The following SUGCT variants were observed in gnomAD, a reference collection of about 807,000 sequenced individuals.
SUGCT encodes succinyl-CoA:glutarate CoA-transferase.
In SUGCT, 41 loss-of-function variants were observed where a neutral mutation model predicts 55.0. That is an observed-to-expected ratio of 0.74 (90% CI 0.58 to 0.97). SUGCT has a LOEUF of 0.97. SUGCT is among the 50% of genes least tolerant of loss of function. The pLI is 0.00. For missense variants in SUGCT, 568 were observed against 547.8 expected (o/e 1.04, Z -0.37); for synonymous variants, 187 against 200.4 (o/e 0.93, Z 0.56).
intron 9 of SUGCT, among the ~76,000 whole-genome samples, chr7:40,438,806 C>T (rs1788312431): frequency 6.6e-6 from 1 of 151,494 alleles, no homozygotes; most frequent in South Asian, 2.1e-4. Flanking sequence ...GGTTTGCTTT[C>T]TGTTAGAGTG....
chr7:40,503,281 G>A (rs1792394533), intron 12 of SUGCT, among the ~76,000 whole-genome samples: 3 of 152,006 alleles, frequency 2.0e-5, no homozygotes, highest in South Asian at 4.2e-4. Context: ...ATTACTTATC[G>A]CTTTAATATA....
intron 12 of SUGCT, among the ~76,000 whole-genome samples, chr7:40,529,163 C>T (rs139981620): frequency 1.3e-3 from 204 of 152,296 alleles, no homozygotes; most frequent in African/African-American, 4.7e-3. Context: ...TCCTGTCACC[C>T]TTAGGTGAGA....
intron 13 of SUGCT, among the ~76,000 whole-genome samples, chr7:40,844,088 T>C (rs931269275): frequency 6.6e-6 from 1 of 152,114 alleles, no homozygotes; most frequent in Non-Finnish European, 1.5e-5. Flanking sequence ...GCAGGCTTTG[T>C]ACAGGAACCA....
chr7:40,717,618 C>T (rs1786091310), intron 12 of SUGCT, among the ~76,000 whole-genome samples: 1 of 152,148 alleles, frequency 6.6e-6, no homozygotes, highest in Non-Finnish European at 1.5e-5. Flanking sequence ...TTGGCTGTCT[C>T]AATATTTATA....
the SUGCT span, among the ~76,000 whole-genome samples, chr7:40,922,009 A>C: frequency 6.6e-6 from 1 of 152,194 alleles, no homozygotes; most frequent in South Asian, 2.1e-4. Context: ...TTCAAAAGAG[A>C]CACCAGTGTT....
At chr7:40,272,111 ATG>A (rs59953340) in intron 7 of SUGCT, among the ~76,000 whole-genome samples, 9,509 of 109,384 alleles carry the variant, frequency 0.087, 860 homozygotes, top group African/African-American at 0.12. Flanking sequence ...ATATATATAT[ATG>A]GATGTTTCAA....
At chr7:40,553,516 G>C (rs1795409764) in intron 12 of SUGCT, among the ~76,000 whole-genome samples, 1 of 152,042 alleles carries the variant, frequency 6.6e-6, no homozygotes, top group Non-Finnish European at 1.5e-5. Context: ...TTTCTCCATG[G>C]ATTTACAGAA....
intron 12 of SUGCT, among the ~76,000 whole-genome samples, chr7:40,543,186 A>G (rs1445996684): frequency 2.0e-5 from 3 of 152,188 alleles, no homozygotes; most frequent in African/African-American, 4.8e-5. Flanking sequence ...TTACACTTCA[A>G]AACATCTGGG....
At chr7:40,529,193 C>G (rs575619111) in intron 12 of SUGCT, among the ~76,000 whole-genome samples, 1 of 152,276 alleles carries the variant, frequency 6.6e-6, no homozygotes, top group South Asian at 2.1e-4. Flanking sequence ...TGGGAGTGGA[C>G]AAGTAAAAGT....
At chr7:40,584,141 G>A (rs991034041) in intron 12 of SUGCT, among the ~76,000 whole-genome samples, 1 of 152,158 alleles carries the variant, frequency 6.6e-6, no homozygotes, top group Non-Finnish European at 1.5e-5. Flanking sequence ...ACAAAAGTCT[G>A]TATTATGTTT....
At chr7:40,456,613 G>A (rs146346494) in intron 10 of SUGCT, among the ~76,000 whole-genome samples, 89 of 152,216 alleles carry the variant, frequency 5.8e-4, no homozygotes, top group Middle Eastern at 3.4e-3. Context: ...GGAATCAGGG[G>A]AGTCAGTGTT....
At chr7:40,185,225 A>G (rs1189498601) in intron 3 of SUGCT, among the ~76,000 whole-genome samples, 1 of 152,132 alleles carries the variant, frequency 6.6e-6, no homozygotes, top group Non-Finnish European at 1.5e-5. Flanking sequence ...CCATATTGCT[A>G]TCTGATTTCA....
intron 12 of SUGCT, among the ~76,000 whole-genome samples, chr7:40,541,077 A>C (rs773719583): frequency 2.0e-5 from 3 of 152,214 alleles, no homozygotes; most frequent in Non-Finnish European, 4.4e-5. Flanking sequence ...ATAATTTGGC[A>C]GTGGGTGAAG....
chr7:41,011,159 G>A, the SUGCT span, among the ~76,000 whole-genome samples: 2 of 152,264 alleles, frequency 1.3e-5, no homozygotes, highest in African/African-American at 4.8e-5. Flanking sequence ...TGAGGAGGAA[G>A]CAGCTGTTTC....
At chr7:40,930,940 C>T in the SUGCT span, among the ~76,000 whole-genome samples, 6 of 152,302 alleles carry the variant, frequency 3.9e-5, no homozygotes, top group African/African-American at 1.2e-4. Context: ...TTACCCAGGC[C>T]AGAACTTCCA....
intron 12 of SUGCT, among the ~76,000 whole-genome samples, chr7:40,565,877 T>C (rs1432859599): frequency 6.6e-6 from 1 of 152,074 alleles, no homozygotes; most frequent in Non-Finnish European, 1.5e-5. Context: ...TATGTAGGAC[T>C]CTGCTCAAAT....
At position 40,827,894 on chromosome 7, in the gene SUGCT, C is replaced by G. The variant is rs146507215; in HGVS notation, c.1154-32422C>G. 3.8e-3 allele frequency among the ~76,000 whole-genome samples: 577 copies of G among 152,188 alleles called. 2 individuals are homozygous for G. The highest frequency in any genetic ancestry group is 0.014 in the Middle Eastern group (4 of 294). ...GTCTCTTGGTGGGGTTGCTTTGATA[C>G]TGCCAGCACAGAAGTTGCCCGTCTG... On this transcript the variant is annotated intron_variant, in intron 13 of 13. Coordinates refer to ENST00000335693, the MANE Select transcript of SUGCT (RefSeq NM_001193313.2).
chr7:40,503,989 T>G (rs1394617194), intron 12 of SUGCT, among the ~76,000 whole-genome samples: 1 of 152,084 alleles, frequency 6.6e-6, no homozygotes, highest in Admixed American at 6.5e-5. Flanking sequence ...GCAGAAGACA[T>G]AAGATGCCAC....
At chr7:40,973,291 G>GA in the SUGCT span, among the ~76,000 whole-genome samples, 1 of 152,012 alleles carries the variant, frequency 6.6e-6, no homozygotes, top group African/African-American at 2.4e-5. Context: ...AAGGCATTCT[G>GA]AAAAAACAAA....
Sources: allele counts gnomAD v4.1 joint callset (sites outside exome capture counted in the v4.1 genomes callset), GRCh38; gene constraint gnomAD v4.1.1; transcripts MANE v1.5; gene names NCBI Gene and HGNC (gene_info 2026-07-23, HGNC 2026-07-21).